Variants in PIP5K1B observed in about 807,000 individuals in gnomAD.
The protein encoded by PIP5K1B is phosphatidylinositol 4-phosphate 5-kinase type-1 beta.
In PIP5K1B, 42 loss-of-function variants were observed where a neutral mutation model predicts 67.0. The ratio of observed to expected loss-of-function variants is 0.63; its 90% CI spans 0.49 to 0.81. The LOEUF (loss-of-function observed/expected upper bound fraction) is 0.81. Among genes scored for constraint, PIP5K1B ranks in the 30% least tolerant of loss-of-function variants. PIP5K1B has a pLI of 0.00. For synonymous variants in PIP5K1B, 214 were observed against 231.4 expected (o/e 0.92, Z 0.68); for missense variants, 459 against 646.3 (o/e 0.71, Z 3.14).
At chr9:68,779,856 A>C (rs754460279) in intron 2 of PIP5K1B, among the ~76,000 whole-genome samples, 1 of 152,262 alleles carries the variant, frequency 6.6e-6, no homozygotes, top group African/African-American at 2.4e-5. Flanking sequence ...GCAATCCAGA[A>C]TATGACAATC....
At chr9:68,780,105 G>GC in intron 2 of PIP5K1B, 1 of 1,474,340 alleles carries the variant, frequency 6.8e-7, no homozygotes, top group African/African-American at 1.5e-5. Context: ...GCCCTGGACT[G>GC]CGGGGAATGG....
At chr9:68,995,379 C>T (rs1376108470) in intron 15 of PIP5K1B, among the ~76,000 whole-genome samples, 1 of 152,168 alleles carries the variant, frequency 6.6e-6, no homozygotes, top group Non-Finnish European at 1.5e-5. Context: ...AAGTCCTGCA[C>T]CATTAACTTG....
Position 68,710,337 on chromosome 9 carries a change from A to G in PIP5K1B, c.-243+4575A>G, listed in dbSNP as rs1003105873. The stretch of plus-strand genomic sequence containing the variant: ...TGTGTTACTTTTTGCTGAGTGCCAG[A>G]GAACTGGGGTGGGAGGAAACCTAGG... On this transcript the variant is annotated intron_variant, in intron 1 of 15. Transcript: ENST00000265382. 3.9e-5 allele frequency among the ~76,000 whole-genome samples: 6 copies of G among 152,144 alleles called. No individual in the cohort carries two copies. In the South Asian group the frequency reaches 1.2e-3, roughly 32 times the overall value.
intron 4 of PIP5K1B, among the ~76,000 whole-genome samples, chr9:68,855,165 G>A (rs992760382): frequency 2.0e-5 from 3 of 152,162 alleles, no homozygotes; most frequent in Non-Finnish European, 2.9e-5. Flanking sequence ...TTGTGGAGAC[G>A]GTTGTCACCC....
chr9:68,792,253 C>G (rs1450581813), intron 2 of PIP5K1B, among the ~76,000 whole-genome samples: 1 of 149,482 alleles, frequency 6.7e-6, no homozygotes, highest in Non-Finnish European at 1.5e-5. Flanking sequence ...TAATGCAGAG[C>G]ACATTATAGT....
intron 4 of PIP5K1B, among the ~76,000 whole-genome samples, chr9:68,833,758 G>A (rs1192941793): frequency 1.3e-5 from 2 of 152,222 alleles, no homozygotes; most frequent in Non-Finnish European, 2.9e-5. Context: ...GGGGGTGAGG[G>A]CATGGTAGGA....
intron 15 of PIP5K1B, among the ~76,000 whole-genome samples, chr9:69,004,811 T>G (rs796547980): frequency 3.3e-5 from 5 of 152,332 alleles, no homozygotes; most frequent in African/African-American, 1.2e-4. Flanking sequence ...AGGAAAATTA[T>G]GGCACCTTTT....
intron 14 of PIP5K1B, among the ~76,000 whole-genome samples, chr9:68,975,770 CT>C (rs1209788923): frequency 1.3e-5 from 2 of 152,200 alleles, no homozygotes; most frequent in African/African-American, 4.8e-5. Context: ...TGGTGGTGTG[CT>C]GGCCGTCTTT....
At chr9:68,809,829 G>A (rs1479123030) in intron 2 of PIP5K1B, among the ~76,000 whole-genome samples, 6 of 152,172 alleles carry the variant, frequency 3.9e-5, no homozygotes, top group African/African-American at 1.4e-4. Flanking sequence ...CAAAAACCCA[G>A]AGTAAAGGAC....
At chr9:68,849,586 G>A (rs1379182437) in intron 4 of PIP5K1B, among the ~76,000 whole-genome samples, 1 of 152,138 alleles carries the variant, frequency 6.6e-6, no homozygotes, top group Non-Finnish European at 1.5e-5. Context: ...GGCTGGTCTT[G>A]AACTCCTGAG....
intron 7 of PIP5K1B, among the ~76,000 whole-genome samples, chr9:68,892,540 A>G (rs1564210600): frequency 6.6e-6 from 1 of 152,244 alleles, no homozygotes; most frequent in African/African-American, 2.4e-5. Flanking sequence ...AGACTGTTCA[A>G]TAAGTATCCA....
chr9:68,900,703 A>G (rs1825313692), intron 8 of PIP5K1B, among the ~76,000 whole-genome samples: 1 of 152,188 alleles, frequency 6.6e-6, no homozygotes, highest in African/African-American at 2.4e-5. Context: ...TACATTTATT[A>G]TAATTTTTGT....
chr9:68,740,651 T>A (rs1274227679), intron 1 of PIP5K1B, among the ~76,000 whole-genome samples: 1 of 152,244 alleles, frequency 6.6e-6, no homozygotes, highest in African/African-American at 2.4e-5. Flanking sequence ...CTTTAGCAAC[T>A]GAATTGTTTG....
At chr9:68,847,074 T>C (rs1373331869) in intron 4 of PIP5K1B, among the ~76,000 whole-genome samples, 1 of 152,176 alleles carries the variant, frequency 6.6e-6, no homozygotes, top group Non-Finnish European at 1.5e-5. Flanking sequence ...AGCAATTAAG[T>C]CCTCCTGTCT....
At chr9:68,987,041 T>A (rs930627660) in intron 14 of PIP5K1B, among the ~76,000 whole-genome samples, 1 of 151,328 alleles carries the variant, frequency 6.6e-6, no homozygotes, top group East Asian at 1.9e-4. Context: ...TCACCTGAGG[T>A]CAGGAGTTCA....
chr9:68,891,548 C>A (rs1293136811), intron 7 of PIP5K1B, among the ~76,000 whole-genome samples: 2 of 151,736 alleles, frequency 1.3e-5, no homozygotes, highest in Admixed American at 6.6e-5. Flanking sequence ...ATACAAGAAT[C>A]CTTTCTCTAG....
Position 68,774,775 on chromosome 9 carries a change from C to T in PIP5K1B, c.-86+32118C>T, listed in dbSNP as rs553054159. 2.3e-3 allele frequency among the ~76,000 whole-genome samples: 348 copies of T among 152,298 alleles called. 3 individuals are homozygous for T. Among genetic ancestry groups the T allele is most frequent in the Middle Eastern group, 0.01 (3 of 294 alleles). On this transcript the variant is annotated intron_variant, in intron 2 of 15. Coordinates refer to ENST00000265382, the MANE Select transcript of PIP5K1B (RefSeq NM_003558.4). ...CCTGTATGTGTACTGCTACATAGTA[C>T]TACAGCTAATTCATCCTTCCATGTT... is the stretch of plus-strand genomic sequence containing the variant.
intron 6 of PIP5K1B, among the ~76,000 whole-genome samples, chr9:68,878,057 G>C (rs11144087): frequency 6.7e-6 from 1 of 149,686 alleles, no homozygotes; most frequent in Non-Finnish European, 1.5e-5. Context: ...GTGTGTGTTA[G>C]AGAACACCCT....
rs532110123 is a variant in PIP5K1B, at chr9:68,842,896, G to T, written c.69+20213G>T. Among the ~76,000 whole-genome samples, 12 of 152,328 alleles carry T rather than the reference G, an allele frequency of 7.9e-5. No individual in the cohort carries two copies. In the East Asian group the frequency reaches 2.3e-3, roughly 29 times the overall value. On this transcript the variant is annotated intron_variant, in intron 4 of 15. Coordinates refer to ENST00000265382, the MANE Select transcript of PIP5K1B (RefSeq NM_003558.4). ...TAGACAGTTGATTAATTTAGAAACA[G>T]CTTGGCTTGTGGAATAAACATACCT... is the stretch of plus-strand genomic sequence containing the variant.
Sources: allele counts gnomAD v4.1 joint callset (sites outside exome capture counted in the v4.1 genomes callset), GRCh38; gene constraint gnomAD v4.1.1; transcripts MANE v1.5; gene names NCBI Gene and HGNC (gene_info 2026-07-23, HGNC 2026-07-21).